TBC1D8: variants seen among roughly 807,000 people sequenced by gnomAD.
TBC1D8 encodes TBC1 domain family member 8, also known as BUB2-like protein 1.
In TBC1D8, 65 loss-of-function variants were observed where a neutral mutation model predicts 118.8. The ratio of observed to expected loss-of-function variants is 0.55; its 90% CI spans 0.45 to 0.67. The LOEUF (loss-of-function observed/expected upper bound fraction) is 0.67. Ranked by LOEUF, TBC1D8 falls within the 30% of genes least tolerant of loss-of-function variation. TBC1D8 has a pLI of 0.00. For synonymous variants in TBC1D8, 566 were observed against 595.8 expected (o/e 0.95, Z 0.73); for missense variants, 1,376 against 1,471.2 (o/e 0.94, Z 1.06).
intron 1 of TBC1D8, among the ~76,000 whole-genome samples, chr2:101,135,106 A>G (rs1678789809): frequency 6.6e-6 from 1 of 152,168 alleles, no homozygotes; most frequent in South Asian, 2.1e-4. Flanking sequence ...CGGGAGGCAG[A>G]GCTTGCAGTG....
chr2:101,037,473 AC>A (rs1027381775), intron 8 of TBC1D8, 58 bp downstream of exon 8: 37 of 1,574,222 alleles, frequency 2.4e-5, no homozygotes, highest in South Asian at 1.3e-4. Flanking sequence ...CAGCTGGGCA[AC>A]CCCCCCAAGC....
chr2:101,141,962 T>C (rs1679124333), intron 1 of TBC1D8, among the ~76,000 whole-genome samples: 1 of 152,060 alleles, frequency 6.6e-6, no homozygotes, highest in Non-Finnish European at 1.5e-5. Flanking sequence ...TTAGTAACAA[T>C]GAGAAATAGT....
At chr2:101,013,456 A>C (rs1204186680) in intron 17 of TBC1D8, among the ~76,000 whole-genome samples, 1 of 152,350 alleles carries the variant, frequency 6.6e-6, no homozygotes, top group East Asian at 1.9e-4. Flanking sequence ...ATGGATTGAC[A>C]GACAATTTCT....
chr2:101,093,759 G>T (rs144258110), intron 1 of TBC1D8, among the ~76,000 whole-genome samples: 14 of 152,098 alleles, frequency 9.2e-5, no homozygotes, highest in Middle Eastern at 6.8e-3. Flanking sequence ...GCCCAGGTTG[G>T]AGTGCGGTGG....
chr2:101,061,573 C>T (rs1682753789), intron 2 of TBC1D8, among the ~76,000 whole-genome samples: 1 of 152,170 alleles, frequency 6.6e-6, no homozygotes, highest in Non-Finnish European at 1.5e-5. Flanking sequence ...CCAGCCCAGG[C>T]TTCTCTCTGC....
At chr2:101,042,129 C>G (rs1307231560) in intron 5 of TBC1D8, among the ~76,000 whole-genome samples, 1 of 151,782 alleles carries the variant, frequency 6.6e-6, no homozygotes, top group Non-Finnish European at 1.5e-5. Context: ...GAATCCAGGT[C>G]GGGTGCAGTG....
chr2:101,038,028 T>C (rs1681135870), intron 7 of TBC1D8, among the ~76,000 whole-genome samples: 1 of 152,116 alleles, frequency 6.6e-6, no homozygotes, highest in South Asian at 2.1e-4. Flanking sequence ...GCCCTGGGGC[T>C]GAGAGAGGCT....
chr2:101,076,998 A>T (rs1354420820), intron 2 of TBC1D8, among the ~76,000 whole-genome samples: 1 of 152,146 alleles, frequency 6.6e-6, no homozygotes, highest in Non-Finnish European at 1.5e-5. Context: ...AGCAAGAGAG[A>T]GGCGGTAGTG....
intron 3 of TBC1D8, among the ~76,000 whole-genome samples, chr2:101,056,418 G>A (rs1373456834): frequency 3.3e-5 from 5 of 152,000 alleles, no homozygotes; most frequent in African/African-American, 9.7e-5. Context: ...TAGCCAGGAT[G>A]GTCTCGATTT....
intron 1 of TBC1D8, among the ~76,000 whole-genome samples, chr2:101,097,197 A>C (rs1462690075): frequency 1.3e-5 from 2 of 152,130 alleles, no homozygotes; most frequent in South Asian, 2.1e-4. Flanking sequence ...GGAAAAAAAA[A>C]CCTAGAATTC....
chr2:101,011,615 G>A, intron 17 of TBC1D8, 75 bp from the exon 18 acceptor site: 1 of 1,485,746 alleles, frequency 6.7e-7, no homozygotes. Context: ...TAGCTTTCTA[G>A]GCAACTAAAG....
intron 2 of TBC1D8, among the ~76,000 whole-genome samples, chr2:101,077,770 T>C (rs1329844954): frequency 2.0e-5 from 3 of 152,074 alleles, no homozygotes; most frequent in East Asian, 1.9e-4. Flanking sequence ...AGCCCTTCCC[T>C]AAAACTAAAG....
intron 6 of TBC1D8, 123 bp from the exon 7 acceptor site, chr2:101,038,778 A>G: frequency 2.6e-6 from 3 of 1,135,440 alleles, no homozygotes. Flanking sequence ...AGATGATGCA[A>G]TGGCGAGAAA....
At chr2:101,135,090 T>C (rs1004317559) in intron 1 of TBC1D8, among the ~76,000 whole-genome samples, 69 of 152,062 alleles carry the variant, frequency 4.5e-4, no homozygotes, top group Admixed American at 4.6e-4. Flanking sequence ...GAGAATGGCA[T>C]GAACCCGGGA....
chr2:101,139,602 C>T (rs1679012429), intron 1 of TBC1D8, among the ~76,000 whole-genome samples: 1 of 152,170 alleles, frequency 6.6e-6, no homozygotes, highest in Non-Finnish European at 1.5e-5. Context: ...TCCCCTCTGC[C>T]CTTTCCTCCT....
chr2:101,009,298 C>A (rs891299797), intron 19 of TBC1D8, among the ~76,000 whole-genome samples: 2 of 150,534 alleles, frequency 1.3e-5, no homozygotes, highest in Non-Finnish European at 2.9e-5. Context: ...CCCAGCTACT[C>A]GGGAAGCTGA....
At chr2:101,138,441 T>C (rs1252975355) in intron 1 of TBC1D8, among the ~76,000 whole-genome samples, 1 of 152,162 alleles carries the variant, frequency 6.6e-6, no homozygotes, top group African/African-American at 2.4e-5. Context: ...ACTAACTACC[T>C]GGAATTAGTG....
chr2:101,036,321 T>A (rs565455516), intron 8 of TBC1D8, among the ~76,000 whole-genome samples, 153 bp from the exon 9 acceptor site: 1 of 152,246 alleles, frequency 6.6e-6, no homozygotes, highest in East Asian at 1.9e-4. Flanking sequence ...CCGCAAATAT[T>A]TCTGAACCTT....
At chr2:101,022,784 G>A (rs1680119051) in intron 15 of TBC1D8, among the ~76,000 whole-genome samples, 1 of 152,094 alleles carries the variant, frequency 6.6e-6, no homozygotes, top group South Asian at 2.1e-4. Context: ...TAAATGTACA[G>A]TTCAGCTAAC....
Sources: allele counts gnomAD v4.1 joint callset (sites outside exome capture counted in the v4.1 genomes callset), GRCh38; gene constraint gnomAD v4.1.1; transcripts MANE v1.5; gene names NCBI Gene and HGNC (gene_info 2026-07-23, HGNC 2026-07-21).